The following SYNE2 variants were observed in gnomAD, a reference collection of about 807,000 sequenced individuals.
SYNE2 encodes nesprin-2.
In SYNE2, 431 loss-of-function variants were observed where a neutral mutation model predicts 856.3. That is an observed-to-expected ratio of 0.50 (90% confidence interval 0.47 to 0.55). SYNE2 has a LOEUF of 0.55. Among genes scored for constraint, SYNE2 ranks in the 20% least tolerant of loss-of-function variants. The probability of loss-of-function intolerance (pLI) is 0.00; values close to 1 mark genes in which losing one functional copy is unlikely to be tolerated. For synonymous variants in SYNE2, 2,923 were observed against 2,872.3 expected, an observed-to-expected ratio of 1.02 and a Z score of -0.56; for missense variants, 8,129 against 8,023.2, an observed-to-expected ratio of 1.01 and a Z score of -0.50.
At chr14:64,111,803 A>G (rs74962132) in intron 65 of SYNE2, among the ~76,000 whole-genome samples, 7 of 151,762 alleles carry the variant, frequency 4.6e-5, no homozygotes, top group Admixed American at 6.6e-5. Context: ...TCCCAAGAAG[A>G]AAAAAAAAGG....
At chr14:64,189,964 A>ATTTTTTTT (rs11423254) in intron 98 of SYNE2, 107 bp from the exon 99 acceptor site, 2 of 1,176,996 alleles carry the variant, frequency 1.7e-6, no homozygotes, top group East Asian at 2.7e-5. Flanking sequence ...TGCCTGGCCA[A>ATTTTTTTT]TTTTTTTTTT....
At chr14:64,040,529 T>G (rs1158658199) in intron 45 of SYNE2, among the ~76,000 whole-genome samples, 1 of 150,254 alleles carries the variant, frequency 6.7e-6, no homozygotes, top group Admixed American at 6.6e-5. Context: ...AATATATGAC[T>G]GAGAAAATTA....
At chr14:64,113,609 C>T (rs2097830195) in intron 66 of SYNE2, 38 bp downstream of exon 66, 2 of 1,557,426 alleles carry the variant, frequency 1.3e-6, no homozygotes, top group African/African-American at 1.4e-5. Flanking sequence ...TTTGCCTCTC[C>T]ACCAATCATC....
intron 107 of SYNE2, 120 bp downstream of exon 107, chr14:64,215,474 C>T: frequency 1.0e-6 from 1 of 993,212 alleles, no homozygotes; most frequent in Non-Finnish European, 1.6e-6. Flanking sequence ...CGCCTTGGTC[C>T]TTGTGTCATG....
At chr14:63,776,231 T>C (rs945064757) in intron 1 of SYNE2, among the ~76,000 whole-genome samples, 1 of 152,130 alleles carries the variant, frequency 6.6e-6, no homozygotes, top group African/African-American at 2.4e-5. Context: ...GCAATGACAA[T>C]CTTTTGCAAA....
chr14:63,893,402 CA>C (rs1287624850), intron 1 of SYNE2, among the ~76,000 whole-genome samples: 1 of 151,408 alleles, frequency 6.6e-6, no homozygotes, highest in Non-Finnish European at 1.5e-5. Context: ...TTTGTCACTA[CA>C]AAAAAAATTA....
At chr14:63,802,734 T>C (rs914449110) in intron 1 of SYNE2, among the ~76,000 whole-genome samples, 1 of 152,112 alleles carries the variant, frequency 6.6e-6, no homozygotes, top group African/African-American at 2.4e-5. Context: ...TGTTCAGATG[T>C]GTTCGGAGTT....
chr14:64,034,742 G>A (rs768549234), intron 45 of SYNE2: 6 of 391,720 alleles, frequency 1.5e-5, no homozygotes, highest in Non-Finnish European at 2.7e-5. Flanking sequence ...TTATAGATGC[G>A]TATTTCTGAA....
chr14:64,156,945 A>C (rs2098291295), intron 85 of SYNE2, among the ~76,000 whole-genome samples: 1 of 152,172 alleles, frequency 6.6e-6, no homozygotes, highest in Admixed American at 6.5e-5. Flanking sequence ...ATGTGCCAGC[A>C]TTCCTTGTAG....
chr14:63,807,196 G>A (rs975369250), intron 1 of SYNE2, among the ~76,000 whole-genome samples: 2 of 152,044 alleles, frequency 1.3e-5, no homozygotes, highest in Admixed American at 6.6e-5. Flanking sequence ...AGATTAGCTG[G>A]GCATGGTGGC....
intron 6 of SYNE2, among the ~76,000 whole-genome samples, chr14:63,947,353 T>A (rs2096052320): frequency 6.6e-6 from 1 of 152,218 alleles, no homozygotes; most frequent in Non-Finnish European, 1.5e-5. Flanking sequence ...TTCAATTAAT[T>A]TGAATTTAAA....
chr14:64,085,080 T>G lies in SYNE2; in HGVS notation c.11485-2591T>G, dbSNP rs904092304. ...GTCAAGACAGAAGCCACATTTTTTT[T>G]TTTTCTTTTAGAGACAGGGTCTTGC... On this transcript the variant is annotated intron_variant, in intron 57 of 115. Coordinates refer to ENST00000555002, the MANE Select transcript of SYNE2 (RefSeq NM_182914.3). 4 of 695,426 alleles carry G rather than the reference T, an allele frequency of 5.8e-6. No homozygotes were observed. The South Asian group carries it at 6.0e-5, about 10-fold the overall frequency. The allele number at this position is 695,426 out of a possible 1,614,324, so 43.1% of individuals were successfully genotyped here.
rs369808458 is a variant in SYNE2 at position 64,219,124 on chromosome 14, T to TTTTTTTA, written c.19658-84_19658-83insTTTTTTA. The TTTTTTTA allele has an allele frequency of 1.5e-3, 1,234 of 844,032 alleles. 8 individuals carry two copies. The highest frequency in any genetic ancestry group is 1.8e-3 in the Non-Finnish European group (992 of 557,624). 52.3% of individuals were successfully genotyped at this position (844,032 alleles called of 1,614,324 possible). ...TTTTTGTTTTTTTTTTTTTTTTTTT[T>TTTTTTTA]AACCACCCTGACCCCTAATTAGCTG... is the stretch of plus-strand genomic sequence containing the variant. On this transcript the variant is annotated intron_variant, in intron 109 of 115. Coordinates refer to ENST00000555002, the MANE Select transcript of SYNE2 (RefSeq NM_182914.3).
chr14:63,973,250 C>G (rs1053746080), intron 11 of SYNE2, among the ~76,000 whole-genome samples: 1 of 151,352 alleles, frequency 6.6e-6, no homozygotes, highest in East Asian at 1.9e-4. Context: ...CGTCTCAAAA[C>G]AAAAAGAAAA....
chr14:64,031,441 G>A (rs1043362838), intron 45 of SYNE2, 84 bp downstream of exon 45: 1 of 1,186,478 alleles, frequency 8.4e-7, no homozygotes, highest in Non-Finnish European at 1.2e-6. Context: ...CGTGAATCAA[G>A]CATTCTGATT....
intron 101 of SYNE2, 180 bp from the exon 102 acceptor site, chr14:64,209,248 C>T: frequency 9.4e-7 from 1 of 1,068,128 alleles, no homozygotes; most frequent in Non-Finnish European, 1.4e-6. Flanking sequence ...AGCAGGAGCT[C>T]TGAGCTGCTT....
chr14:63,932,335 T>C (rs1347977345), intron 2 of SYNE2, among the ~76,000 whole-genome samples: 11 of 152,122 alleles, frequency 7.2e-5, no homozygotes. Flanking sequence ...TGAGCCGAGA[T>C]CGTGCCATTG....
chr14:63,767,041 A>G (rs1886711000), intron 1 of SYNE2, among the ~76,000 whole-genome samples: 1 of 152,142 alleles, frequency 6.6e-6, no homozygotes, highest in Non-Finnish European at 1.5e-5. Flanking sequence ...TAAAAATAAG[A>G]AAATAAATTA....
intron 2 of SYNE2, among the ~76,000 whole-genome samples, chr14:63,919,972 GT>G (rs10673123): frequency 0.013 from 1,429 of 110,572 alleles, 37 homozygotes; most frequent in African/African-American, 0.032. Context: ...TAAAAGGTAA[GT>G]TTTTTTTTTT....
Sources: gnomAD v4.1 joint callset for allele counts (sites outside exome capture counted in the v4.1 genomes callset) on GRCh38, gnomAD v4.1.1 for gene constraint, MANE v1.5 for transcripts, NCBI Gene and HGNC (gene_info 2026-07-23, HGNC 2026-07-21) for gene names.